The following DPY19L1 variants were observed in gnomAD, a reference collection of about 807,000 sequenced individuals.
DPY19L1 encodes the protein dpy-19 like C-mannosyltransferase 1, also known as protein C-mannosyl-transferase DPY19L1.
In DPY19L1, 35 loss-of-function variants were observed where a neutral mutation model predicts 96.9. The ratio of observed to expected loss-of-function variants is 0.36; its 90% CI spans 0.28 to 0.48. The LOEUF is 0.48. Ranked by LOEUF, DPY19L1 falls within the 20% of genes least tolerant of loss-of-function variation. DPY19L1 has a pLI of 0.99. For missense variants in DPY19L1, 521 were observed against 777.9 expected (o/e 0.67, Z 3.93); for synonymous variants, 205 against 252.6 (o/e 0.81, Z 1.79).
intron 7 of DPY19L1, among the ~76,000 whole-genome samples, chr7:34,974,616 G>T (rs559593597): frequency 2.6e-5 from 4 of 152,294 alleles, no homozygotes; most frequent in African/African-American, 9.6e-5. Context: ...AATGTATACT[G>T]TTGTTACTAG....
intron 7 of DPY19L1, among the ~76,000 whole-genome samples, chr7:34,978,529 G>T (rs1784875400): frequency 6.6e-6 from 1 of 152,040 alleles, no homozygotes. Context: ...TAAGAGACAT[G>T]GCTTGAGTAT....
At chr7:35,036,428 C>G (rs1403343538) in intron 1 of DPY19L1, among the ~76,000 whole-genome samples, 2 of 150,926 alleles carry the variant, frequency 1.3e-5, no homozygotes, top group African/African-American at 4.9e-5. Flanking sequence ...TTTTTTTCAG[C>G]ACATCATTAC....
chr7:34,986,814 ATTTAC>A (rs1785058360), intron 7 of DPY19L1, among the ~76,000 whole-genome samples: 2 of 152,044 alleles, frequency 1.3e-5, no homozygotes, highest in South Asian at 4.1e-4. Flanking sequence ...CAATCCGTTA[ATTTAC>A]TTTGAAGTAC....
At chr7:35,024,312 T>G (rs1786071534) in intron 1 of DPY19L1, among the ~76,000 whole-genome samples, 1 of 152,208 alleles carries the variant, frequency 6.6e-6, no homozygotes, top group Non-Finnish European at 1.5e-5. Flanking sequence ...AGGACACTCC[T>G]TAAATCTATC....
Position 34,941,806 on chromosome 7 carries a change from G to A in DPY19L1, c.1648C>T (p.Pro550Ser), listed in dbSNP as rs770099692. The change falls in exon 18 of 22, where the codon CCA (proline) becomes TCA (serine). Residue 550 changes from proline to serine, a missense_variant. Physicochemically the swap from Pro to Ser is moderately conservative, Grantham distance 74 (BLOSUM62 -1). Transcript: ENST00000638088. The stretch of plus-strand genomic sequence containing the variant: ...AGTGATGCCATAACACACATGTGTG[G>A]TGTCAAGAAGAGTTTTAGTCTCATA... ...LIMRLKLFLT[P>S]HMCVMASLIC... is the part of the protein sequence containing the mutation. 1.3e-6 allele frequency: 2 copies of A among 1,592,756 alleles called. No individual in the cohort carries two copies. Among genetic ancestry groups the A allele is most frequent in the South Asian group, 2.3e-5 (2 of 87,166 alleles).
chr7:34,944,438 C>T (rs960565142), intron 16 of DPY19L1, among the ~76,000 whole-genome samples: 1 of 151,010 alleles, frequency 6.6e-6, no homozygotes, highest in African/African-American at 2.4e-5. Flanking sequence ...AATCCTTCTC[C>T]CCCCAAAATC....
At chr7:35,018,214 C>T (rs1785906619) in intron 2 of DPY19L1, among the ~76,000 whole-genome samples, 1 of 151,882 alleles carries the variant, frequency 6.6e-6, no homozygotes, top group Non-Finnish European at 1.5e-5. Flanking sequence ...AAGTGAAGTA[C>T]AATAAAAGTA....
intron 13 of DPY19L1, 57 bp from the exon 14 acceptor site, chr7:34,949,955 A>G: frequency 1.1e-6 from 1 of 901,992 alleles, no homozygotes; most frequent in Non-Finnish European, 1.7e-6. Flanking sequence ...AATATATTTT[A>G]ATTTCAATAG....
chr7:34,968,532 A>T (rs1784656807), intron 9 of DPY19L1, among the ~76,000 whole-genome samples: 1 of 152,128 alleles, frequency 6.6e-6, no homozygotes, highest in Admixed American at 6.5e-5. Context: ...GCACTTTGGG[A>T]GGCCAAAGCG....
At chr7:34,960,578 T>C (rs1398913369) in intron 10 of DPY19L1, among the ~76,000 whole-genome samples, 2 of 152,302 alleles carry the variant, frequency 1.3e-5, no homozygotes, top group East Asian at 3.9e-4. Flanking sequence ...TTTTTACATT[T>C]TCCTTTGAAT....
chr7:35,019,397 A>C (rs1785936642), intron 1 of DPY19L1, among the ~76,000 whole-genome samples: 2 of 152,158 alleles, frequency 1.3e-5, no homozygotes, highest in Non-Finnish European at 2.9e-5. Flanking sequence ...TGCTATGACT[A>C]TGACTGTTAA....
intron 1 of DPY19L1, among the ~76,000 whole-genome samples, chr7:35,024,052 G>A (rs1786063864): frequency 6.6e-6 from 1 of 151,718 alleles, no homozygotes; most frequent in Admixed American, 6.6e-5. Context: ...TAACCAGGAT[G>A]GTATCGATCT....
At chr7:34,986,533 G>C (rs763748924) in intron 7 of DPY19L1, among the ~76,000 whole-genome samples, 1 of 151,976 alleles carries the variant, frequency 6.6e-6, no homozygotes, top group Non-Finnish European at 1.5e-5. Context: ...CCATTTTTAT[G>C]ATATTGGAAT....
intron 6 of DPY19L1, among the ~76,000 whole-genome samples, chr7:35,009,185 A>G (rs559539383): frequency 6.6e-6 from 1 of 152,350 alleles, no homozygotes; most frequent in African/African-American, 2.4e-5. Context: ...TAGATACTCA[A>G]ACGGTGGGCT....
chr7:35,037,764 G>T (rs1249492953), upstream of DPY19L1: 3 of 1,123,998 alleles, frequency 2.7e-6, no homozygotes, highest in Non-Finnish European at 3.3e-6. Context: ...GCGCGCACGC[G>T]CGGACTTCCG....
intron 11 of DPY19L1, among the ~76,000 whole-genome samples, chr7:34,956,902 A>G (rs1784390746): frequency 6.6e-6 from 1 of 152,240 alleles, no homozygotes; most frequent in Admixed American, 6.5e-5. Context: ...AAATGATCTG[A>G]GTAACTTAAT....
intron 6 of DPY19L1, among the ~76,000 whole-genome samples, chr7:34,998,246 T>G (rs1785338307): frequency 6.6e-6 from 1 of 152,200 alleles, no homozygotes; most frequent in Admixed American, 6.5e-5. Context: ...GTCCAGGCTC[T>G]TCTCACAAAA....
At chr7:34,936,148 G>A (rs1783863574) in intron 21 of DPY19L1, among the ~76,000 whole-genome samples, 1 of 152,256 alleles carries the variant, frequency 6.6e-6, no homozygotes. Context: ...TTGCTCGTAA[G>A]TGACTTGAAG....
chr7:35,021,490 A>G (rs1459827671), intron 1 of DPY19L1, among the ~76,000 whole-genome samples: 1 of 152,210 alleles, frequency 6.6e-6, no homozygotes, highest in Non-Finnish European at 1.5e-5. Context: ...ATTTCAACTC[A>G]GTAACAATGA....
Sources: allele counts gnomAD v4.1 joint callset (sites outside exome capture counted in the v4.1 genomes callset), GRCh38; gene constraint gnomAD v4.1.1; transcripts MANE v1.5; gene names NCBI Gene and HGNC (gene_info 2026-07-23, HGNC 2026-07-21).